MRTFA: variants seen among roughly 807,000 people sequenced by gnomAD.
MRTFA encodes myocardin related transcription factor A.
A neutral mutation model predicts 83.5 loss-of-function variants in MRTFA; 20 were observed. The observed-to-expected ratio is 0.24, with a 90% CI of 0.17 to 0.35. MRTFA has a LOEUF of 0.35. Among genes scored for constraint, MRTFA ranks in the 10% least tolerant of loss-of-function variants. The probability of loss-of-function intolerance (pLI) is 1.00; values close to 1 mark genes in which losing one functional copy is unlikely to be tolerated. For synonymous variants in MRTFA, 659 were observed against 541.2 expected, an observed-to-expected ratio of 1.22 and a Z score of -3.02; for missense variants, 1,200 against 1,224.7, an observed-to-expected ratio of 0.98 and a Z score of 0.30.
chr22:40,444,915 A>C (rs2053348098), intron 4 of MRTFA, among the ~76,000 whole-genome samples: 1 of 152,178 alleles, frequency 6.6e-6, no homozygotes, highest in Non-Finnish European at 1.5e-5. Flanking sequence ...AAAAATTTAA[A>C]AACTAGTCAG....
chr22:40,567,357 T>G (rs2055720486), intron 2 of MRTFA, among the ~76,000 whole-genome samples: 1 of 152,212 alleles, frequency 6.6e-6, no homozygotes, highest in Non-Finnish European at 1.5e-5. Context: ...AAGGTGGAAT[T>G]CTATTTGTCT....
chr22:40,558,778 T>C (rs933268785), intron 2 of MRTFA, among the ~76,000 whole-genome samples: 1 of 145,926 alleles, frequency 6.9e-6, no homozygotes, highest in African/African-American at 2.5e-5. Context: ...TTTTTGTTTT[T>C]TTTGGGGGGG....
intron 2 of MRTFA, among the ~76,000 whole-genome samples, chr22:40,555,697 C>T (rs1013440258): frequency 6.6e-6 from 1 of 150,592 alleles, no homozygotes; most frequent in East Asian, 2.0e-4. Context: ...AGTGCAGTGG[C>T]GTGATCTCAG....
At chr22:40,610,032 CTTTT>C (rs1385012262) in intron 1 of MRTFA, among the ~76,000 whole-genome samples, 1 of 143,408 alleles carries the variant, frequency 7.0e-6, no homozygotes, top group Admixed American at 7.0e-5. Context: ...ATGTCTGTTT[CTTTT>C]TTTTCTCTTT....
chr22:40,512,551 T>A (rs924139421), intron 3 of MRTFA, among the ~76,000 whole-genome samples: 1 of 152,160 alleles, frequency 6.6e-6, no homozygotes, highest in Non-Finnish European at 1.5e-5. Context: ...TCCCTAACCA[T>A]GAGAACCACT....
At chr22:40,483,571 G>A (rs1345737100) in intron 3 of MRTFA, among the ~76,000 whole-genome samples, 9 of 151,578 alleles carry the variant, frequency 5.9e-5, no homozygotes, top group African/African-American at 2.2e-4. Flanking sequence ...TGTAGTCCCA[G>A]CTACTCGGGA....
intron 2 of MRTFA, among the ~76,000 whole-genome samples, chr22:40,573,970 G>C (rs937197286): frequency 1.3e-5 from 2 of 151,630 alleles, no homozygotes; most frequent in Non-Finnish European, 2.9e-5. Flanking sequence ...GGCTGGTCTC[G>C]AATTCATGGG....
intron 2 of MRTFA, among the ~76,000 whole-genome samples, chr22:40,573,790 G>A (rs1407545137): frequency 2.6e-5 from 4 of 152,098 alleles, no homozygotes; most frequent in African/African-American, 7.2e-5. Flanking sequence ...AAATATTTTC[G>A]CTGGGTGTGA....
chr22:40,411,552 C>T lies in MRTFA; in HGVS notation c.2934G>A (p.Leu978=). 1 of 1,613,704 alleles carries T rather than the reference C, an allele frequency of 6.2e-7. No homozygotes were observed. The highest frequency in any genetic ancestry group is 8.5e-7 in the Non-Finnish European group (1 of 1,179,876). ...TGTCCAGGTGGCCATCAGCCAGGTCCAGGCCCATGGTGCTGCTGGGCTCAG... is the reference window on the plus strand; with the variant it reads ...TGTCCAGGTGGCCATCAGCCAGGTCTAGGCCCATGGTGCTGCTGGGCTCAG... Residue 978 remains leucine, a synonymous_variant, in exon 15 of 15, where the codon CTG becomes CTA. Transcript: ENST00000355630.
chr22:40,630,456 G>A (rs1316945064), intron 1 of MRTFA, among the ~76,000 whole-genome samples: 2 of 152,108 alleles, frequency 1.3e-5, no homozygotes, highest in Non-Finnish European at 2.9e-5. Flanking sequence ...CAACAGAATC[G>A]TTTTTCTGTT....
chr22:40,529,275 C>A lies in MRTFA; in HGVS notation c.241+22831G>T, dbSNP rs1602389434. ...AAAAAATGCAGGAATTTTAAGTACACAGGTATCAAGGAAAAGAGAGACTAA... is the reference window on the plus strand; with the variant it reads ...AAAAAATGCAGGAATTTTAAGTACAAAGGTATCAAGGAAAAGAGAGACTAA... On this transcript the variant is annotated intron_variant, in intron 3 of 14. Coordinates refer to ENST00000355630, the MANE Select transcript of MRTFA (RefSeq NM_020831.6). Among the ~76,000 whole-genome samples, 5 of 152,216 alleles carry A rather than the reference C, an allele frequency of 3.3e-5. No individual in the cohort carries two copies. The South Asian group carries it at 1.0e-3, about 32-fold the overall frequency.
At chr22:40,631,620 TA>T (rs546742731) in intron 1 of MRTFA, among the ~76,000 whole-genome samples, 4 of 151,212 alleles carry the variant, frequency 2.6e-5, no homozygotes, top group African/African-American at 9.7e-5. Context: ...TTCATCAATA[TA>T]AAAAAAAATG....
At chr22:40,457,436 GAGAAAGAAAGAA>G (rs555469044) in intron 4 of MRTFA, among the ~76,000 whole-genome samples, 1,438 of 119,872 alleles carry the variant, frequency 0.012, 8 homozygotes, top group East Asian at 0.026. Flanking sequence ...AAGAAAGAAA[GAGAAAGAAAGAA>G]AGAAAGAAAG....
chr22:40,492,537 GT>G (rs1182051406), intron 3 of MRTFA, among the ~76,000 whole-genome samples: 2 of 152,182 alleles, frequency 1.3e-5, no homozygotes, highest in Non-Finnish European at 2.9e-5. Flanking sequence ...ATAGTAAACA[GT>G]TGGTTTCTCT....
intron 1 of MRTFA, among the ~76,000 whole-genome samples, chr22:40,614,678 G>C (rs1197229819): frequency 1.3e-5 from 2 of 152,022 alleles, no homozygotes; most frequent in Non-Finnish European, 1.5e-5. Context: ...GTAGAGACGA[G>C]GTTTCTCCAT....
intron 3 of MRTFA, among the ~76,000 whole-genome samples, chr22:40,532,015 G>A (rs542195620): frequency 3.3e-4 from 51 of 152,262 alleles, no homozygotes; most frequent in African/African-American, 1.2e-3. Flanking sequence ...CATTCTACCT[G>A]CATCCAACAC....
chr22:40,511,115 G>A (rs1301943712), intron 3 of MRTFA, among the ~76,000 whole-genome samples: 1 of 152,170 alleles, frequency 6.6e-6, no homozygotes, highest in African/African-American at 2.4e-5. Flanking sequence ...ACAGATTGGA[G>A]GAGAGTTGAA....
At chr22:40,453,624 C>T (rs2053534292) in intron 4 of MRTFA, among the ~76,000 whole-genome samples, 1 of 152,168 alleles carries the variant, frequency 6.6e-6, no homozygotes, top group East Asian at 1.9e-4. Context: ...CCCACCCAAA[C>T]TCACTCACTG....
At position 40,411,054 on chromosome 22, in the gene MRTFA, AG is replaced by A. The variant is rs1378754829; in HGVS notation, c.*335del. 3.0e-5 allele frequency: 8 copies of A among 268,696 alleles called. No homozygotes were observed. Among genetic ancestry groups the A allele is most frequent in the Middle Eastern group, 1.0e-3 (1 of 994 alleles). The allele number at this position is 268,696 out of a possible 1,614,324, so 16.6% of individuals were successfully genotyped here. ...CAGAAGAGAAGCCTCCCGCCTGGCC[AG>A]GCTTCACCTACCTTAGCCAAATTGT... On this transcript the variant is annotated 3_prime_UTR_variant, in exon 15 of 15. Transcript: ENST00000355630.
Sources: allele counts gnomAD v4.1 joint callset (sites outside exome capture counted in the v4.1 genomes callset), GRCh38; gene constraint gnomAD v4.1.1; transcripts MANE v1.5; gene names NCBI Gene and HGNC (gene_info 2026-07-23, HGNC 2026-07-21).